The following CACFD1 variants were observed in gnomAD, a reference collection of about 807,000 sequenced individuals.
The protein encoded by CACFD1 is calcium channel flower homolog.
CACFD1 carries 26 observed loss-of-function variants against 21.3 expected under a neutral mutation model. That is an observed-to-expected ratio of 1.22 (90% CI 0.89 to 1.69). CACFD1 has a LOEUF of 1.69. Ranked by LOEUF, CACFD1 falls within the 40% of genes most tolerant of loss-of-function variation. The pLI is 0.00. For missense variants in CACFD1, 265 were observed against 236.2 expected (o/e 1.12, Z -0.80); for synonymous variants, 121 against 106.6 (o/e 1.13, Z -0.83).
At position 133,463,620 on chromosome 9, in the gene CACFD1, C is replaced by G. The variant is rs188415940; in HGVS notation, c.194+65C>G. The stretch of plus-strand genomic sequence containing the variant: ...GGTCGGGAATCTGCTGGGCACCTCC[C>G]GGGACAGAGGAGTGGCAGGGGCCGT... On this transcript the variant is annotated intron_variant, in intron 2 of 4. Coordinates refer to ENST00000316948, the MANE Select transcript of CACFD1 (RefSeq NM_017586.5). 7.1e-6 allele frequency: 11 copies of G among 1,547,270 alleles called. No individual in the cohort carries two copies. The African/African-American group carries it at 1.5e-4, about 21-fold the overall frequency.
In CACFD1 at chr9:133,465,486, C is replaced by T; in HGVS notation, c.320+39C>T. The stretch of plus-strand genomic sequence containing the variant: ...GGGCAGGGTCCCGTGACACAGTTCC[C>T]CAAAACCCCACTGACAAAATAGGAC... On this transcript the variant is annotated intron_variant, in intron 3 of 4. Coordinates refer to ENST00000316948, the MANE Select transcript of CACFD1 (RefSeq NM_017586.5). This position sits in a 1 kb window ranked among gnomAD's most constrained non-coding sequence, Gnocchi z 5.0. 6.4e-7 allele frequency: 1 copy of T among 1,573,436 alleles called. No individual in the cohort carries two copies. The highest frequency in any genetic ancestry group is 8.6e-7 in the Non-Finnish European group (1 of 1,158,144).
At chr9:133,460,525 C>T (rs1237069595) in intron 1 of CACFD1, among the ~76,000 whole-genome samples, 2 of 124,490 alleles carry the variant, frequency 1.6e-5, no homozygotes, top group Non-Finnish European at 3.8e-5. Flanking sequence ...GCCCTCCCCC[C>T]GCTCCCCAGG....
chr9:133,465,051 A>G lies in CACFD1; in HGVS notation c.195-271A>G, dbSNP rs1453508047. 2.0e-5 allele frequency: 9 copies of G among 444,440 alleles called. No homozygotes were observed. In the Admixed American group the frequency reaches 3.6e-4, roughly 18 times the overall value. 27.5% of individuals were successfully genotyped at this position (444,440 alleles called of 1,614,324 possible). ...GTCACACAGGAGGAGGATAAAGGGA[A>G]GCAGAAGCCCAGGGGCTTCCCTCTA... On this transcript the variant is annotated intron_variant, in intron 2 of 4. Transcript: ENST00000316948. This position sits in a 1 kb window ranked among gnomAD's most constrained non-coding sequence, Gnocchi z 5.0.
Position 133,468,980 on chromosome 9 carries a change from C to A in CACFD1, c.*327C>A. ...TGCTGTGACCTGGGAGCAGCTTCCC[C>A]TGGAGATGCTGGTCCTGGCTTGAGG... On this transcript the variant is annotated 3_prime_UTR_variant, in exon 5 of 5. Transcript: ENST00000316948. 2.7e-6 allele frequency: 1 copy of A among 374,394 alleles called. No individual in the cohort carries two copies. The highest frequency in any genetic ancestry group is 4.8e-6 in the Non-Finnish European group (1 of 209,490). 23.2% of individuals were successfully genotyped at this position (374,394 alleles called of 1,614,324 possible). A position where few individuals can be genotyped will look rare whatever the true frequency, so the allele number is the denominator to read the frequency against.
chr9:133,468,366 C>T, intron 4 of CACFD1, 197 bp from the exon 5 acceptor site: 2 of 1,535,848 alleles, frequency 1.3e-6, no homozygotes, highest in Non-Finnish European at 1.7e-6. Context: ...GGTTCCTTCG[C>T]AGCCCAGCAT....
At position 133,469,192 on chromosome 9, in the gene CACFD1, C is replaced by T. The variant is rs9645011; in HGVS notation, c.*539C>T. On this transcript the variant is annotated 3_prime_UTR_variant, in exon 5 of 5. Transcript: ENST00000316948. ...AGCCCACAGGGCTCCTAAGGTGCACCCCGGTACCTGGAACTGCAGCCTTGG... is the reference window on the plus strand; with the variant it reads ...AGCCCACAGGGCTCCTAAGGTGCACTCCGGTACCTGGAACTGCAGCCTTGG... 284 of 154,704 alleles carry T rather than the reference C, an allele frequency of 1.8e-3. 2 individuals are homozygous for T. The East Asian group carries it at 0.024, about 13-fold the overall frequency. The allele number at this position is 154,704 out of a possible 1,614,324, so 9.6% of individuals were successfully genotyped here. A position where few individuals can be genotyped will look rare whatever the true frequency, so the allele number is the denominator to read the frequency against.
Position 133,463,510 on chromosome 9 carries a change from G to A in CACFD1, c.149G>A (p.Cys50Tyr), listed in dbSNP as rs782299974. 3 of 1,614,096 alleles carry A rather than the reference G, an allele frequency of 1.9e-6. No homozygotes were observed. The highest frequency in any genetic ancestry group is 2.5e-6 in the Non-Finnish European group (3 of 1,179,988). Residue 50 changes from cysteine to tyrosine, a missense_variant, in exon 2 of 5, where the codon TGC (cysteine) becomes TAC (tyrosine). Coordinates refer to ENST00000316948, the MANE Select transcript of CACFD1 (RefSeq NM_017586.5). ...VSCAISGLFNCITIHPLNIAA... is the reference protein window; with the variant it reads ...VSCAISGLFNYITIHPLNIAA... ...TGCGCGATCTCTGGCCTCTTCAACTGCATCACCATCCACCCTCTGAACATT... is the reference window on the plus strand; with the variant it reads ...TGCGCGATCTCTGGCCTCTTCAACTACATCACCATCCACCCTCTGAACATT...
rs1554797951 is a variant in CACFD1, at chr9:133,460,142, T to C, written c.76T>C (p.Trp26Arg). 1.3e-6 allele frequency: 2 copies of C among 1,559,956 alleles called. No homozygotes were observed. Among genetic ancestry groups the C allele is most frequent in the Admixed American group, 1.9e-5 (1 of 53,016 alleles). The change falls in exon 1 of 5, where the codon TGG (tryptophan) becomes CGG (arginine). Residue 26 changes from tryptophan to arginine, a missense_variant. By Grantham distance (101) the Trp-to-Arg change is moderately radical. Transcript: ENST00000316948. ...CGCGCAGGAAGAGGGCATGACGTGG[T>C]GGTACCGCTGGCTGTGTCGCCTGTC... ...PPAQEEGMTWWYRWLCRLSGV... is the reference protein window; with the variant it reads ...PPAQEEGMTWRYRWLCRLSGV...
At position 133,460,297 on chromosome 9, in the gene CACFD1, G is replaced by A. The variant is rs1043395002; in HGVS notation, c.121+110G>A. 37 of 1,047,368 alleles carry A rather than the reference G, an allele frequency of 3.5e-5. No homozygotes were observed. In the African/African-American group the frequency reaches 5.7e-4, roughly 16 times the overall value. 64.9% of individuals were successfully genotyped at this position (1,047,368 alleles called of 1,614,324 possible). A position where few individuals can be genotyped will look rare whatever the true frequency, so the allele number is the denominator to read the frequency against. On this transcript the variant is annotated intron_variant, in intron 1 of 4. Transcript: ENST00000316948. The stretch of plus-strand genomic sequence containing the variant: ...CAGGGGAAAGGACCCGCTGGGGGTC[G>A]GGGGTCTGCCGGGCGCCTCCCGGGG...
rs966754871 is a variant in CACFD1, at chr9:133,468,164, C to A, written c.428+136C>A. ...CAGAGGTCCCAGTAACTCATTGGTG[C>A]CTCCAGGGCTCAGCTCGAGTGGGTG... On this transcript the variant is annotated intron_variant, in intron 4 of 4. Coordinates refer to ENST00000316948, the MANE Select transcript of CACFD1 (RefSeq NM_017586.5). 3 of 1,024,992 alleles carry A rather than the reference C, an allele frequency of 2.9e-6. No homozygotes were observed. In the East Asian group the frequency reaches 7.8e-5, roughly 27 times the overall value. The allele number at this position is 1,024,992 out of a possible 1,614,324, so 63.5% of individuals were successfully genotyped here. A position where few individuals can be genotyped will look rare whatever the true frequency, so the allele number is the denominator to read the frequency against.
chr9:133,466,488 T>C (rs1843440882), intron 3 of CACFD1, among the ~76,000 whole-genome samples: 1 of 152,238 alleles, frequency 6.6e-6, no homozygotes, highest in Admixed American at 6.5e-5. Flanking sequence ...ACAGACTTTA[T>C]AACATTCTTT....
At chr9:133,462,045 C>A in intron 1 of CACFD1, 2 of 1,285,066 alleles carry the variant, frequency 1.6e-6, no homozygotes, top group Non-Finnish European at 2.0e-6. Context: ...AGCATTGAGG[C>A]CCCCAAGTGG....
rs587612794 is a variant in CACFD1 at position 133,468,728 on chromosome 9, G to A, written c.*75G>A. 21 of 1,479,222 alleles carry A rather than the reference G, an allele frequency of 1.4e-5. No homozygotes were observed. In the East Asian group the frequency reaches 4.0e-4, roughly 28 times the overall value. 91.6% of individuals were successfully genotyped at this position (1,479,222 alleles called of 1,614,324 possible). ...TCCAAGTGAGGCCTGGACTGTCCAC[G>A]CTGAGGCACAGCCTGGAGAGGGGCC... On this transcript the variant is annotated 3_prime_UTR_variant, in exon 5 of 5. Coordinates refer to ENST00000316948, the MANE Select transcript of CACFD1 (RefSeq NM_017586.5).
chr9:133,464,901 G>A (rs73660495), intron 2 of CACFD1: 281 of 166,252 alleles, frequency 1.7e-3, no homozygotes, highest in African/African-American at 6.5e-3. Context: ...GCCACTGACG[G>A]CTTTTGGTGG....
chr9:133,466,737 C>T (rs1843452395), intron 3 of CACFD1, among the ~76,000 whole-genome samples: 1 of 152,166 alleles, frequency 6.6e-6, no homozygotes, highest in South Asian at 2.1e-4. Context: ...TCCCCCGCCC[C>T]CACCCCAGCC....
At chr9:133,464,751 C>T (rs994945388) in intron 2 of CACFD1, among the ~76,000 whole-genome samples, 1 of 152,106 alleles carries the variant, frequency 6.6e-6, no homozygotes, top group East Asian at 1.9e-4. Flanking sequence ...AGTTCTTCCT[C>T]CCCAGCGTGG....
At chr9:133,464,389 C>T (rs903315772) in intron 2 of CACFD1, among the ~76,000 whole-genome samples, 1 of 152,192 alleles carries the variant, frequency 6.6e-6, no homozygotes, top group Middle Eastern at 3.4e-3. Flanking sequence ...GGGGTGGAGT[C>T]GGAGCCTGGC....
Position 133,465,569 on chromosome 9 carries a change from T to G in CACFD1, c.320+122T>G, listed in dbSNP as rs1843404096. The G allele has an allele frequency of 1.9e-6, 2 of 1,038,758 alleles. No individual in the cohort carries two copies. Among genetic ancestry groups the G allele is most frequent in the African/African-American group, 3.2e-5 (2 of 62,722 alleles). The allele number at this position is 1,038,758 out of a possible 1,614,324, so 64.3% of individuals were successfully genotyped here. On this transcript the variant is annotated intron_variant, in intron 3 of 4. Coordinates refer to ENST00000316948, the MANE Select transcript of CACFD1 (RefSeq NM_017586.5). The surrounding 1 kb of genome is among the most constrained non-coding windows in gnomAD (Gnocchi z 5.0). ...AGTTCCTCTCTGTGGAAGTGTAAAC[T>G]GGGATTGCCTTTGTGCACAGTGATT...
Position 133,460,162 on chromosome 9 carries a change from C to G in CACFD1, c.96C>G (p.Arg32=), listed in dbSNP as rs1317087227. ...GMTWWYRWLC[R]LSGVLGAVSC... Reference sequence around the variant, plus strand: ...CGTGGTGGTACCGCTGGCTGTGTCGCCTGTCTGGGGTGCTGGGGGCAGTCT... The same window carrying G: ...CGTGGTGGTACCGCTGGCTGTGTCGGCTGTCTGGGGTGCTGGGGGCAGTCT... The change falls in exon 1 of 5, where the codon CGC becomes CGG. Residue 32 remains arginine, a synonymous_variant. Transcript: ENST00000316948. 8 of 1,557,544 alleles carry G rather than the reference C, an allele frequency of 5.1e-6. No individual in the cohort carries two copies. In the East Asian group the frequency reaches 1.9e-4, roughly 38 times the overall value.
Sources: allele counts gnomAD v4.1 joint callset (sites outside exome capture counted in the v4.1 genomes callset), GRCh38; gene constraint gnomAD v4.1.1; non-coding constraint Gnocchi (gnomAD v3.1); transcripts MANE v1.5; gene names NCBI Gene and HGNC (gene_info 2026-07-23, HGNC 2026-07-21).